The following FRMD4A variants were observed in gnomAD, a reference collection of about 807,000 sequenced individuals.
The protein encoded by FRMD4A is FERM domain containing 4A.
Under a neutral mutation model 129.1 loss-of-function variants are expected in FRMD4A, and 29 were observed. The ratio of observed to expected loss-of-function variants is 0.22; its 90% CI spans 0.17 to 0.31. FRMD4A has a LOEUF of 0.31. Ranked by LOEUF, FRMD4A falls within the 10% of genes least tolerant of loss-of-function variation. The pLI, the probability that FRMD4A is intolerant of heterozygous loss-of-function variation, is 1.00. For missense variants in FRMD4A, 1,272 were observed against 1,375.8 expected (o/e 0.92, Z 1.19); for synonymous variants, 634 against 571.6 (o/e 1.11, Z -1.56).
chr10:14,282,356 C>A (rs535785868), intron 2 of FRMD4A, among the ~76,000 whole-genome samples: 1 of 152,238 alleles, frequency 6.6e-6, no homozygotes, highest in South Asian at 2.1e-4. Context: ...TTTACTAAGT[C>A]AACTCTCCTG....
At chr10:13,855,509 C>T (rs141608473) in intron 3 of FRMD4A, among the ~76,000 whole-genome samples, 1 of 152,300 alleles carries the variant, frequency 6.6e-6, no homozygotes, top group East Asian at 1.9e-4. Context: ...ACCTGACTCT[C>T]CATGTTACAA....
At chr10:13,721,362 G>A (rs1427922854) in intron 12 of FRMD4A, among the ~76,000 whole-genome samples, 5 of 152,086 alleles carry the variant, frequency 3.3e-5, no homozygotes, top group African/African-American at 2.4e-5. Flanking sequence ...GGCACCTGTA[G>A]TCCCGGCTAC....
chr10:13,708,640 G>A (rs2087714372), intron 12 of FRMD4A, among the ~76,000 whole-genome samples: 1 of 152,222 alleles, frequency 6.6e-6, no homozygotes, highest in Admixed American at 6.5e-5. Flanking sequence ...ATGGCCCAAA[G>A]CTCTATGTTG....
chr10:13,932,408 T>C (rs942283623), intron 2 of FRMD4A, among the ~76,000 whole-genome samples: 10 of 152,200 alleles, frequency 6.6e-5, no homozygotes, highest in African/African-American at 2.4e-4. Context: ...TGAAAGCCCC[T>C]TCTGGACAAA....
At chr10:14,004,564 A>T (rs2131625739) in intron 2 of FRMD4A, among the ~76,000 whole-genome samples, 1 of 152,304 alleles carries the variant, frequency 6.6e-6, no homozygotes, top group Admixed American at 6.5e-5. Context: ...AACAGAAAAA[A>T]AAAGATACAA....
chr10:13,660,729 G>A (rs1162622299), intron 19 of FRMD4A, among the ~76,000 whole-genome samples, 176 bp from the exon 20 acceptor site: 1 of 152,180 alleles, frequency 6.6e-6, no homozygotes, highest in Non-Finnish European at 1.5e-5. Flanking sequence ...GTCAAGACGA[G>A]TCAAACCAAA....
At chr10:13,757,040 A>G (rs1196231479) in intron 8 of FRMD4A, among the ~76,000 whole-genome samples, 1 of 152,250 alleles carries the variant, frequency 6.6e-6, no homozygotes, top group Non-Finnish European at 1.5e-5. Flanking sequence ...AAAACCCTGC[A>G]CTGTTTACGA....
chr10:13,686,247 C>T (rs2085069814), intron 15 of FRMD4A, among the ~76,000 whole-genome samples: 1 of 152,186 alleles, frequency 6.6e-6, no homozygotes, highest in African/African-American at 2.4e-5. Context: ...AACAGAGATA[C>T]AGGGAGGAGA....
At chr10:13,984,016 C>T (rs1228526323) in intron 2 of FRMD4A, among the ~76,000 whole-genome samples, 1 of 151,346 alleles carries the variant, frequency 6.6e-6, no homozygotes, top group Non-Finnish European at 1.5e-5. Flanking sequence ...AAAAAAACAA[C>T]TGGGAACCAC....
At position 14,085,106 on chromosome 10, in the gene FRMD4A, C is replaced by A. The variant is rs577977359; in HGVS notation, c.46-226194G>T. Among the ~76,000 whole-genome samples, 67 of 152,138 alleles carry A rather than the reference C, an allele frequency of 4.4e-4. 1 individual carries two copies. In the South Asian group the frequency reaches 0.013, roughly 30 times the overall value. Reference sequence around the variant, plus strand: ...CTTCTAATTCTTACAAAGGGAATCCCACCTCCATCTGTTTATAAATCAAGA... The same window carrying A: ...CTTCTAATTCTTACAAAGGGAATCCAACCTCCATCTGTTTATAAATCAAGA... On this transcript the variant is annotated intron_variant, in intron 2 of 24. Coordinates refer to ENST00000357447, the MANE Select transcript of FRMD4A (RefSeq NM_018027.5).
At chr10:13,678,404 C>G (rs1392212470) in intron 15 of FRMD4A, among the ~76,000 whole-genome samples, 1 of 152,216 alleles carries the variant, frequency 6.6e-6, no homozygotes, top group African/African-American at 2.4e-5. Context: ...GTGGCGGTAA[C>G]TGGATGGTGG....
chr10:13,964,205 A>G (rs897368765), intron 2 of FRMD4A, among the ~76,000 whole-genome samples: 5 of 151,972 alleles, frequency 3.3e-5, no homozygotes, highest in Non-Finnish European at 7.4e-5. Context: ...CTACAAATAG[A>G]CCAAAGAAAA....
chr10:14,132,700 C>T (rs1355058888), intron 2 of FRMD4A, among the ~76,000 whole-genome samples: 3 of 152,188 alleles, frequency 2.0e-5, no homozygotes, highest in African/African-American at 7.2e-5. Context: ...GTGAGCAGCC[C>T]AGGGCTGTCT....
intron 2 of FRMD4A, among the ~76,000 whole-genome samples, chr10:14,000,363 C>T (rs746600179): frequency 1.3e-4 from 20 of 151,900 alleles, no homozygotes; most frequent in South Asian, 2.1e-4. Flanking sequence ...CCATTTCCCC[C>T]GGGGCAGGTG....
At chr10:13,844,529 C>CG (rs1323456622) in intron 3 of FRMD4A, among the ~76,000 whole-genome samples, 1 of 152,080 alleles carries the variant, frequency 6.6e-6, no homozygotes, top group East Asian at 1.9e-4. Context: ...TACCAACATC[C>CG]GGCCCACTTT....
chr10:13,922,686 A>G (rs955326612), intron 2 of FRMD4A, among the ~76,000 whole-genome samples: 16 of 152,226 alleles, frequency 1.1e-4, no homozygotes, highest in Admixed American at 6.5e-5. Flanking sequence ...AGAAAATGCC[A>G]AAACAGGAGA....
intron 2 of FRMD4A, among the ~76,000 whole-genome samples, chr10:14,064,298 T>C (rs1185213968): frequency 2.6e-5 from 4 of 152,272 alleles, no homozygotes; most frequent in Admixed American, 6.5e-5. Flanking sequence ...GTGTTCCCAG[T>C]TGCACTTTTC....
chr10:13,813,415 T>G (rs2093482802), intron 3 of FRMD4A, among the ~76,000 whole-genome samples: 1 of 152,260 alleles, frequency 6.6e-6, no homozygotes. Context: ...CACTCCAGCC[T>G]TGGCAACAGA....
rs1407637507 is a variant in FRMD4A at position 13,701,360 on chromosome 10, G to C, written c.955C>G (p.Leu319Val). The stretch of plus-strand genomic sequence containing the variant: ...CTCACCTTACTCTGCTTTCTGTCCA[G>C]ATAGAACTGGTGTTGGCTTATGGCC... ...AMAISQHQFY[L>V]DRKQSKSKIH... Residue 319 changes from leucine to valine, a missense_variant, in exon 14 of 25, where the codon CTG (leucine) becomes GTG (valine). Leu to Val is a conservative substitution (Grantham distance 32). This residue lies in a region of FRMD4A where 300 missense variants were observed against 483.6 expected (regional missense o/e 0.62). Coordinates refer to ENST00000357447, the MANE Select transcript of FRMD4A (RefSeq NM_018027.5). 6.2e-7 allele frequency: 1 copy of C among 1,613,974 alleles called. No homozygotes were observed. The highest frequency in any genetic ancestry group is 8.5e-7 in the Non-Finnish European group (1 of 1,179,864).
Sources: allele counts gnomAD v4.1 joint callset (sites outside exome capture counted in the v4.1 genomes callset), GRCh38; gene constraint gnomAD v4.1.1; regional missense constraint gnomAD v4.1.1; transcripts MANE v1.5; gene names NCBI Gene and HGNC (gene_info 2026-07-23, HGNC 2026-07-21).